FCHO2: variants seen among roughly 807,000 people sequenced by gnomAD.
The protein encoded by FCHO2 is F-BAR domain only protein 2.
In FCHO2, 43 loss-of-function variants were observed where a neutral mutation model predicts 114.1. That is an observed-to-expected ratio of 0.38 (90% confidence interval 0.30 to 0.49). The LOEUF (loss-of-function observed/expected upper bound fraction) is 0.49. Ranked by LOEUF, FCHO2 falls within the 20% of genes least tolerant of loss-of-function variation. FCHO2 has a pLI of 0.97. For missense variants in FCHO2, 807 were observed against 950.4 expected, an observed-to-expected ratio of 0.85 and a Z score of 1.98; for synonymous variants, 293 against 315.2, an observed-to-expected ratio of 0.93 and a Z score of 0.75.
chr5:73,005,697 G>A (rs943670033), intron 5 of FCHO2, among the ~76,000 whole-genome samples: 1 of 152,060 alleles, frequency 6.6e-6, no homozygotes, highest in African/African-American at 2.4e-5. Context: ...TTTCTCAAAT[G>A]CCTATCTTCT....
At chr5:73,028,644 T>C (rs1344541254) in intron 8 of FCHO2, among the ~76,000 whole-genome samples, 2 of 148,232 alleles carry the variant, frequency 1.3e-5, no homozygotes, top group African/African-American at 5.0e-5. Flanking sequence ...TATTATATGA[T>C]TCTTTTTTTT....
At chr5:73,086,425 A>T (rs758137542) in intron 24 of FCHO2, among the ~76,000 whole-genome samples, 1 of 152,232 alleles carries the variant, frequency 6.6e-6, no homozygotes, top group Admixed American at 6.5e-5. Flanking sequence ...TGTAGTGTTA[A>T]GCTTCTGTGC....
chr5:73,013,971 AC>A (rs1755161134), intron 6 of FCHO2, among the ~76,000 whole-genome samples: 1 of 152,184 alleles, frequency 6.6e-6, no homozygotes, highest in Non-Finnish European at 1.5e-5. Context: ...GGTGTGAGCC[AC>A]CGTGCCTGGC....
chr5:72,956,574 C>G (rs1268780416), intron 1 of FCHO2, among the ~76,000 whole-genome samples: 1 of 152,120 alleles, frequency 6.6e-6, no homozygotes, highest in African/African-American at 2.4e-5. Flanking sequence ...CACCGCGGGC[C>G]CCCCATCTGA....
intron 10 of FCHO2, among the ~76,000 whole-genome samples, chr5:73,037,477 T>A (rs1204462051): frequency 6.6e-6 from 1 of 152,024 alleles, no homozygotes. Context: ...TTTTGAAATA[T>A]CCTTATTTTT....
At chr5:72,997,698 C>T in intron 5 of FCHO2, 1 of 1,539,438 alleles carries the variant, frequency 6.5e-7, no homozygotes, top group South Asian at 1.1e-5. Flanking sequence ...AGGGCGAGCC[C>T]TTGGGATACC....
intron 8 of FCHO2, among the ~76,000 whole-genome samples, chr5:73,033,393 G>T (rs1279047735): frequency 6.6e-6 from 1 of 152,038 alleles, no homozygotes; most frequent in Non-Finnish European, 1.5e-5. Context: ...AGGTTTAGGG[G>T]GAGGGAGAGG....
chr5:73,008,809 G>A (rs1754849356), intron 6 of FCHO2, among the ~76,000 whole-genome samples: 1 of 152,102 alleles, frequency 6.6e-6, no homozygotes, highest in Non-Finnish European at 1.5e-5. Flanking sequence ...ATAAACAGAT[G>A]CCACTACAGA....
chr5:72,981,044 G>A (rs563922761), intron 2 of FCHO2, among the ~76,000 whole-genome samples: 1 of 152,220 alleles, frequency 6.6e-6, no homozygotes, highest in African/African-American at 2.4e-5. Flanking sequence ...AATGTCGGTG[G>A]TCTTTACAAT....
intron 5 of FCHO2, among the ~76,000 whole-genome samples, chr5:72,996,582 A>G (rs771606642): frequency 6.0e-5 from 8 of 132,288 alleles, no homozygotes; most frequent in African/African-American, 2.1e-4. Context: ...CCCTTCCCCA[A>G]TTAATCCTTC....
intron 9 of FCHO2, among the ~76,000 whole-genome samples, chr5:73,035,900 C>G (rs886327071): frequency 2.6e-5 from 4 of 152,004 alleles, no homozygotes; most frequent in African/African-American, 9.7e-5. Context: ...CTGGAGTGCA[C>G]TGGCGTGATC....
At chr5:73,010,131 C>T (rs1329619745) in intron 6 of FCHO2, among the ~76,000 whole-genome samples, 2 of 152,114 alleles carry the variant, frequency 1.3e-5, no homozygotes, top group African/African-American at 4.8e-5. Flanking sequence ...GTTGACCAGT[C>T]TCAGTGGGAA....
rs1361366368 is a variant in FCHO2, at chr5:72,967,702, C to T, written c.34-796C>T. On this transcript the variant is annotated intron_variant, in intron 1 of 25. Transcript: ENST00000430046. ...TGGTGTGATTTCAGCTCACTGCAACCTCCACCTCCCGGGTTCAAGCGATTC... is the reference window on the plus strand; with the variant it reads ...TGGTGTGATTTCAGCTCACTGCAACTTCCACCTCCCGGGTTCAAGCGATTC... Among the ~76,000 whole-genome samples the T allele has an allele frequency of 2.0e-5, 3 of 152,174 alleles. No individual in the cohort carries two copies. The East Asian group carries it at 5.8e-4, about 29-fold the overall frequency.
At chr5:73,044,027 A>G (rs1203220347) in intron 11 of FCHO2, among the ~76,000 whole-genome samples, 1 of 151,798 alleles carries the variant, frequency 6.6e-6, no homozygotes, top group Admixed American at 6.6e-5. Context: ...TCGTGATAGT[A>G]AGTGAGTTCT....
At chr5:73,052,182 C>G in intron 12 of FCHO2, 150 bp from the exon 13 acceptor site, 1 of 709,490 alleles carries the variant, frequency 1.4e-6, no homozygotes. Flanking sequence ...CTTAGCCTCC[C>G]AAAGTCCTGG....
At chr5:73,048,002 TG>T (rs1256716301) in intron 11 of FCHO2, among the ~76,000 whole-genome samples, 2 of 152,048 alleles carry the variant, frequency 1.3e-5, no homozygotes, top group African/African-American at 4.8e-5. Context: ...GCTCAGCTGA[TG>T]TTTTAATTTT....
At chr5:73,009,162 TTAAA>T (rs1368802534) in intron 6 of FCHO2, among the ~76,000 whole-genome samples, 1 of 152,232 alleles carries the variant, frequency 6.6e-6, no homozygotes, top group Non-Finnish European at 1.5e-5. Flanking sequence ...GGTAGTTGTC[TTAAA>T]TAAGGCTTCA....
chr5:73,023,107 G>A (rs111549895), intron 8 of FCHO2, among the ~76,000 whole-genome samples: 62 of 152,226 alleles, frequency 4.1e-4, no homozygotes, highest in African/African-American at 1.4e-3. Flanking sequence ...AGCAGGATTT[G>A]TATTCTGAAA....
At chr5:73,034,823 G>T in intron 9 of FCHO2, 122 bp downstream of exon 9, 1 of 689,664 alleles carries the variant, frequency 1.4e-6, no homozygotes, top group Non-Finnish European at 2.2e-6. Flanking sequence ...ATGGAATGCT[G>T]TAAAAATCTG....
Sources: allele counts gnomAD v4.1 joint callset (sites outside exome capture counted in the v4.1 genomes callset), GRCh38; gene constraint gnomAD v4.1.1; transcripts MANE v1.5; gene names NCBI Gene and HGNC (gene_info 2026-07-23, HGNC 2026-07-21).